Variants in PAOX observed in about 807,000 individuals in gnomAD.
PAOX encodes the protein peroxisomal N(1)-acetyl-spermine/spermidine oxidase.
In PAOX, 38 loss-of-function variants were observed where a neutral mutation model predicts 39.0. The ratio of observed to expected loss-of-function variants is 0.97; its 90% CI spans 0.75 to 1.28. The LOEUF (loss-of-function observed/expected upper bound fraction) is 1.28, where lower values mean the gene tolerates loss of function less well. Ranked by LOEUF, PAOX falls within the 50% of genes most tolerant of loss-of-function variation. PAOX has a pLI of 0.00. For synonymous variants in PAOX, 311 were observed against 314.4 expected (o/e 0.99, Z 0.11); for missense variants, 667 against 685.7 (o/e 0.97, Z 0.30).
chr10:133,385,690 T>TCTC (rs1849511467), intron 4 of PAOX, among the ~76,000 whole-genome samples: 1 of 152,238 alleles, frequency 6.6e-6, no homozygotes. Context: ...TTCACGCCAT[T>TCTC]CTCCTGCCTC....
chr10:133,381,849 C>T (rs1398252578), intron 3 of PAOX, among the ~76,000 whole-genome samples, 190 bp downstream of exon 3: 1 of 152,198 alleles, frequency 6.6e-6, no homozygotes, highest in Non-Finnish European at 1.5e-5. Flanking sequence ...TTAAGGGTTT[C>T]ACCGTAAGAA....
intron 3 of PAOX, among the ~76,000 whole-genome samples, 186 bp from the exon 4 acceptor site, chr10:133,383,774 A>G (rs1250696520): frequency 2.0e-5 from 3 of 152,180 alleles, no homozygotes; most frequent in Admixed American, 6.6e-5. Context: ...TGCTGCATGC[A>G]CTCTAGCCTG....
intron 2 of PAOX, among the ~76,000 whole-genome samples, 191 bp from the exon 3 acceptor site, chr10:133,381,269 C>CT (rs1343125070): frequency 1.3e-5 from 2 of 152,228 alleles, no homozygotes; most frequent in Non-Finnish European, 2.9e-5. Flanking sequence ...CCCTTACAGC[C>CT]TGGAGGGCAG....
chr10:133,379,610 C>G (rs1564809142), intron 1 of PAOX, 113 bp downstream of exon 1: 1 of 878,840 alleles, frequency 1.1e-6, no homozygotes, highest in Non-Finnish European at 1.5e-6. Flanking sequence ...CCGGGCTCCC[C>G]GAGGGAATCC....
chr10:133,381,131 A>G (rs925378310), intron 2 of PAOX, among the ~76,000 whole-genome samples: 1 of 152,164 alleles, frequency 6.6e-6, no homozygotes, highest in Non-Finnish European at 1.5e-5. Flanking sequence ...CTGTCCCGTC[A>G]CCCCTGGTGT....
chr10:133,382,736 G>A (rs1849421939), intron 3 of PAOX: 1 of 151,172 alleles, frequency 6.6e-6, no homozygotes, highest in African/African-American at 2.4e-5. Context: ...GAGCCGAGAT[G>A]GTGTCATTGC....
At chr10:133,385,919 G>A (rs1279663975) in intron 4 of PAOX, among the ~76,000 whole-genome samples, 2 of 151,742 alleles carry the variant, frequency 1.3e-5, no homozygotes, top group African/African-American at 4.8e-5. Context: ...TGAGATGATA[G>A]TAACAAACCT....
chr10:133,384,959 T>G lies in PAOX; in HGVS notation c.1121+747T>G, dbSNP rs1027926221. Among the ~76,000 whole-genome samples the G allele has an allele frequency of 2.0e-5, 3 of 152,166 alleles. No individual in the cohort carries two copies. Among genetic ancestry groups the G allele is most frequent in the Non-Finnish European group, 4.4e-5 (3 of 68,024 alleles). Reference sequence around the variant, plus strand: ...GCAGGCTGCAGACCAGCCCTGCACCTGTGACGGGGGAAGCCTGTGTGTCTC... The same window carrying G: ...GCAGGCTGCAGACCAGCCCTGCACCGGTGACGGGGGAAGCCTGTGTGTCTC... On this transcript the variant is annotated intron_variant, in intron 4 of 6. Coordinates refer to ENST00000278060, the MANE Select transcript of PAOX (RefSeq NM_152911.4). The surrounding 1 kb of genome is among the most constrained non-coding windows in gnomAD (Gnocchi z 4.3).
intron 2 of PAOX, among the ~76,000 whole-genome samples, chr10:133,381,104 A>G (rs11101725): frequency 0.89 from 135,166 of 152,306 alleles, 60,758 homozygotes; most frequent in East Asian, 0.97. Context: ...CCAGGTGCAG[A>G]TGAGACCCTC....
At chr10:133,383,345 G>A (rs538411765) in intron 3 of PAOX, among the ~76,000 whole-genome samples, 7 of 152,304 alleles carry the variant, frequency 4.6e-5, no homozygotes, top group African/African-American at 1.7e-4. Flanking sequence ...GCTCACGCCT[G>A]TAATCCCAGC....
At chr10:133,390,872 T>C in intron 6 of PAOX, 1 of 394,556 alleles carries the variant, frequency 2.5e-6, no homozygotes, top group Non-Finnish European at 5.0e-6. Context: ...GCCAGATCAC[T>C]ATTCAGTGTT....
At position 133,384,005 on chromosome 10, in the gene PAOX, C is replaced by A; in HGVS notation, c.914C>A (p.Pro305Gln). 6.2e-7 allele frequency: 1 copy of A among 1,614,158 alleles called. No individual in the cohort carries two copies. The highest frequency in any genetic ancestry group is 8.5e-7 in the Non-Finnish European group (1 of 1,180,034). The change falls in exon 4 of 7, where the codon CCG becomes CAG. Residue 305 changes from proline (P) to glutamine (Q), a missense_variant. Pro to Gln is a moderately conservative substitution (Grantham distance 76, BLOSUM62 -1). Coordinates refer to ENST00000278060, the MANE Select transcript of PAOX (RefSeq NM_152911.4). The surrounding 1 kb of genome is among the most constrained non-coding windows in gnomAD (Gnocchi z 4.3). ...GACACCTTCTTTGACCCTCCCCTGC[C>A]GGCTGAGAAGGCAGAAGCAATCAGG... ...HLDTFFDPPL[P>Q]AEKAEAIRKI...
At chr10:133,391,255 G>C in intron 6 of PAOX, 57 bp from the exon 7 acceptor site, 2 of 1,549,264 alleles carry the variant, frequency 1.3e-6, no homozygotes, top group Non-Finnish European at 1.8e-6. Flanking sequence ...GTGTTTCCTT[G>C]CCCAGACCCT....
rs1409354555 is a variant in PAOX at position 133,384,351 on chromosome 10, C to A, written c.1121+139C>A. 1.5e-6 allele frequency: 2 copies of A among 1,347,510 alleles called. No homozygotes were observed. Among genetic ancestry groups the A allele is most frequent in the Non-Finnish European group, 2.0e-6 (2 of 990,782 alleles). 83.5% of individuals were successfully genotyped at this position (1,347,510 alleles called of 1,614,324 possible). ...TAGGGTTCCCATGAGCGCCCCCCCA[C>A]CAGGTGCTGGCTGCACCTGGGCCTG... On this transcript the variant is annotated intron_variant, in intron 4 of 6. Coordinates refer to ENST00000278060, the MANE Select transcript of PAOX (RefSeq NM_152911.4). The surrounding 1 kb of genome is among the most constrained non-coding windows in gnomAD (Gnocchi z 4.3).
At chr10:133,391,271 C>T (rs778831206) in intron 6 of PAOX, 41 bp from the exon 7 acceptor site, 1 of 1,591,120 alleles carries the variant, frequency 6.3e-7, no homozygotes, top group South Asian at 1.1e-5. Context: ...ACCCTGCTGT[C>T]TGAATTGCAT....
intron 6 of PAOX, among the ~76,000 whole-genome samples, chr10:133,390,410 C>CCACACACACACACACACA (rs59249557): frequency 2.5e-4 from 37 of 145,432 alleles, no homozygotes; most frequent in African/African-American, 8.6e-4. Context: ...GAGTCGGTCT[C>CCACACACACACACACACA]CACACACACA....
chr10:133,380,191 A>C lies in PAOX; in HGVS notation c.374A>C (p.Gln125Pro). ...YASSGASVSL[Q>P]LVAEMATLFY... ...AGCTCCGGGGCCAGCGTGAGCCTCC[A>C]GCTGGTGGCGGAGATGGCGACTCTG... The change falls in exon 2 of 7, where the codon CAG (glutamine) becomes CCG (proline). Residue 125 changes from glutamine (Q) to proline (P), a missense_variant. Gln to Pro is a moderately conservative substitution (Grantham distance 76). Coordinates refer to ENST00000278060, the MANE Select transcript of PAOX (RefSeq NM_152911.4). 1 of 1,612,478 alleles carries C rather than the reference A, an allele frequency of 6.2e-7. No homozygotes were observed. Among genetic ancestry groups the C allele is most frequent in the Non-Finnish European group, 8.5e-7 (1 of 1,179,688 alleles).
At chr10:133,379,741 G>A (rs987693084) in intron 1 of PAOX, 30 of 538,446 alleles carry the variant, frequency 5.6e-5, no homozygotes, top group African/African-American at 3.5e-4. Flanking sequence ...TCTGCCCCAC[G>A]GGGGCCCCCC....
At position 133,380,184 on chromosome 10, in the gene PAOX, A is replaced by G; in HGVS notation, c.367A>G (p.Ser123Gly). 1 of 1,612,022 alleles carries G rather than the reference A, an allele frequency of 6.2e-7. No individual in the cohort carries two copies. Among genetic ancestry groups the G allele is most frequent in the Non-Finnish European group, 8.5e-7 (1 of 1,179,352 alleles). The stretch of plus-strand genomic sequence containing the variant: ...CTACGCCAGCTCCGGGGCCAGCGTG[A>G]GCCTCCAGCTGGTGGCGGAGATGGC... ...VSYASSGASV[S>G]LQLVAEMATL... Residue 123 changes from serine to glycine, a missense_variant, in exon 2 of 7, where the codon AGC becomes GGC. By Grantham distance (56) the Ser-to-Gly change is moderately conservative. Transcript: ENST00000278060.
Sources: allele counts gnomAD v4.1 joint callset (sites outside exome capture counted in the v4.1 genomes callset), GRCh38; gene constraint gnomAD v4.1.1; non-coding constraint Gnocchi (gnomAD v3.1); transcripts MANE v1.5; gene names NCBI Gene and HGNC (gene_info 2026-07-23, HGNC 2026-07-21).